Variants in XRN2 observed in about 807,000 individuals in gnomAD.
XRN2 encodes the protein 5'-3' exoribonuclease 2, also known as DHM1-like protein.
A neutral mutation model predicts 138.5 loss-of-function variants in XRN2; 44 were observed. That is an observed-to-expected ratio of 0.32 (90% confidence interval 0.25 to 0.41). The LOEUF (loss-of-function observed/expected upper bound fraction) is 0.41. XRN2 is among the 10% of genes least tolerant of loss of function. The pLI is 1.00. For missense variants in XRN2, 937 were observed against 1,169.3 expected, an observed-to-expected ratio of 0.80 and a Z score of 2.90; for synonymous variants, 354 against 369.4, an observed-to-expected ratio of 0.96 and a Z score of 0.48.
intron 22 of XRN2, 54 bp from the exon 23 acceptor site, chr20:21,356,532 G>A (rs958699469): frequency 1.3e-5 from 20 of 1,526,224 alleles, no homozygotes; most frequent in Non-Finnish European, 1.8e-5. Flanking sequence ...GAATCTGCTT[G>A]AGTCCCAGTT....
intron 3 of XRN2, among the ~76,000 whole-genome samples, chr20:21,327,661 A>G (rs2038146333): frequency 6.6e-6 from 1 of 152,220 alleles, no homozygotes; most frequent in Non-Finnish European, 1.5e-5. Flanking sequence ...TACATCAAGT[A>G]TAAAATATGT....
At chr20:21,303,573 C>A (rs1158181511) in intron 1 of XRN2, 100 bp downstream of exon 1, 3 of 1,400,214 alleles carry the variant, frequency 2.1e-6, no homozygotes, top group South Asian at 1.6e-5. Context: ...GGAGCCTTGC[C>A]GGAGCTCGCG....
intron 26 of XRN2, among the ~76,000 whole-genome samples, chr20:21,366,168 T>TATATAA (rs1485334166): frequency 8.3e-6 from 1 of 120,072 alleles, no homozygotes; most frequent in Non-Finnish European, 1.7e-5. Flanking sequence ...ATAGTTTATA[T>TATATAA]AATATATATA....
chr20:21,309,347 G>A (rs2037846778), intron 1 of XRN2, among the ~76,000 whole-genome samples: 1 of 152,024 alleles, frequency 6.6e-6, no homozygotes, highest in South Asian at 2.1e-4. Flanking sequence ...GAACTATTGA[G>A]GTTACCTATT....
chr20:21,353,416 G>A (rs1421262075), intron 20 of XRN2, among the ~76,000 whole-genome samples: 1 of 150,822 alleles, frequency 6.6e-6, no homozygotes, highest in Non-Finnish European at 1.5e-5. Context: ...TGACTCACAT[G>A]TTAGGTATTA....
At chr20:21,316,326 G>A (rs1027438489) in intron 1 of XRN2, among the ~76,000 whole-genome samples, 3 of 152,140 alleles carry the variant, frequency 2.0e-5, no homozygotes, top group Admixed American at 2.0e-4. Flanking sequence ...TTCTTTTATC[G>A]TTTGTGCTTT....
intron 28 of XRN2, among the ~76,000 whole-genome samples, chr20:21,385,483 A>C (rs1243303961): frequency 6.6e-6 from 1 of 152,194 alleles, no homozygotes; most frequent in Non-Finnish European, 1.5e-5. Context: ...AGCCATATGC[A>C]TTTTCTTTCT....
At chr20:21,344,044 A>AGAAGGTTGTACCTTCTTT (rs774824033) in intron 15 of XRN2, 46 bp from the exon 16 acceptor site, 5 of 1,440,284 alleles carry the variant, frequency 3.5e-6, no homozygotes, top group Non-Finnish European at 4.9e-6. Context: ...TCTTATGTAA[A>AGAAGGTTGTACCTTCTTT]ATGAATAATG....
At chr20:21,339,200 G>T in intron 14 of XRN2, 112 bp downstream of exon 14, 1 of 1,042,532 alleles carries the variant, frequency 9.6e-7, no homozygotes, top group Non-Finnish European at 1.4e-6. Context: ...AGTCAGGGAC[G>T]TAAGTGTCCA....
At chr20:21,333,363 C>A (rs1285176048) in intron 9 of XRN2, among the ~76,000 whole-genome samples, 181 bp from the exon 10 acceptor site, 1 of 152,202 alleles carries the variant, frequency 6.6e-6, no homozygotes, top group Non-Finnish European at 1.5e-5. Flanking sequence ...GACCCCTGAT[C>A]TAGACGTGGT....
chr20:21,335,018 A>G (rs1316831456), intron 13 of XRN2, among the ~76,000 whole-genome samples: 2 of 152,198 alleles, frequency 1.3e-5, no homozygotes, highest in African/African-American at 4.8e-5. Flanking sequence ...GTGTGGAGTA[A>G]AAGTACCTTT....
intron 1 of XRN2, among the ~76,000 whole-genome samples, chr20:21,312,538 G>A (rs899745925): frequency 1.3e-5 from 2 of 151,746 alleles, no homozygotes; most frequent in African/African-American, 4.9e-5. Flanking sequence ...TCTGACCATC[G>A]GAAAATGACT....
intron 19 of XRN2, among the ~76,000 whole-genome samples, chr20:21,348,829 G>A (rs900595153): frequency 2.0e-5 from 3 of 152,070 alleles, no homozygotes; most frequent in Non-Finnish European, 4.4e-5. Context: ...ATTTTTAGTA[G>A]AGATGGGGTT....
chr20:21,322,782 TA>T (rs2122191904), intron 1 of XRN2, among the ~76,000 whole-genome samples: 1 of 152,372 alleles, frequency 6.6e-6, no homozygotes, highest in South Asian at 2.1e-4. Context: ...TGCACAAATA[TA>T]ATGATATCCC....
chr20:21,338,342 T>C (rs1274942801), intron 13 of XRN2, among the ~76,000 whole-genome samples: 1 of 152,160 alleles, frequency 6.6e-6, no homozygotes, highest in Non-Finnish European at 1.5e-5. Flanking sequence ...TCTGTCTAGT[T>C]GAAACCATGG....
At chr20:21,347,735 A>G (rs1419284860) in intron 17 of XRN2, among the ~76,000 whole-genome samples, 1 of 152,240 alleles carries the variant, frequency 6.6e-6, no homozygotes. Flanking sequence ...TGCTGTTCCA[A>G]TAATGTCTCT....
intron 14 of XRN2, among the ~76,000 whole-genome samples, chr20:21,340,151 C>T (rs1036438037): frequency 3.9e-5 from 6 of 152,002 alleles, no homozygotes; most frequent in African/African-American, 7.3e-5. Context: ...AAAAATTAGC[C>T]GGGTGTGGTG....
intron 1 of XRN2, among the ~76,000 whole-genome samples, chr20:21,313,573 G>A (rs768232366): frequency 3.0e-4 from 45 of 152,314 alleles, no homozygotes; most frequent in Non-Finnish European, 4.7e-4. Flanking sequence ...AGAAGCATTT[G>A]CTAAATGGCA....
chr20:21,370,376 T>A (rs1415170524), intron 27 of XRN2, among the ~76,000 whole-genome samples: 13 of 152,242 alleles, frequency 8.5e-5, no homozygotes. Context: ...GTTAAATGAA[T>A]AAGGTAATTT....
Sources: allele counts gnomAD v4.1 joint callset (sites outside exome capture counted in the v4.1 genomes callset), GRCh38; gene constraint gnomAD v4.1.1; transcripts MANE v1.5; gene names NCBI Gene and HGNC (gene_info 2026-07-23, HGNC 2026-07-21).